Variants in KIZ observed in about 807,000 individuals in gnomAD.
KIZ encodes the protein centrosomal protein kizuna.
Under a neutral mutation model 79.6 loss-of-function variants are expected in KIZ, and 68 were observed. The observed-to-expected ratio is 0.85, with a 90% CI of 0.70 to 1.05. KIZ has a LOEUF of 1.05. KIZ is among the 50% of genes least tolerant of loss of function. KIZ has a pLI of 0.00. For synonymous variants in KIZ, 280 were observed against 281.8 expected (o/e 0.99, Z 0.06); for missense variants, 797 against 800.4 (o/e 1.00, Z 0.05).
At position 21,162,124 on chromosome 20, in the gene KIZ, A is replaced by T; in HGVS notation, c.659A>T (p.Lys220Met). Residue 220 changes from lysine to methionine, a missense_variant, in exon 5 of 13, where the codon AAG becomes ATG. Transcript: ENST00000619189. ...AGTAATGACACACAGTGCTTAAATA[A>T]GTCTGACAACATAGATGGAAAGGCA... The part of the protein sequence containing the change: ...QTSNDTQCLN[K>M]SDNIDGKASL... The T allele has an allele frequency of 6.2e-7, 1 of 1,612,740 alleles. No homozygotes were observed.
intron 6 of KIZ, among the ~76,000 whole-genome samples, chr20:21,186,943 A>G (rs2034897907): frequency 6.6e-6 from 1 of 152,132 alleles, no homozygotes; most frequent in Non-Finnish European, 1.5e-5. Flanking sequence ...TGAATAATAA[A>G]TTGATTCAGC....
chr20:21,130,185 C>T (rs1315713059), intron 1 of KIZ, among the ~76,000 whole-genome samples: 1 of 152,224 alleles, frequency 6.6e-6, no homozygotes, highest in Non-Finnish European at 1.5e-5. Context: ...CTCCCTACAT[C>T]TGGAACGATT....
intron 6 of KIZ, among the ~76,000 whole-genome samples, chr20:21,182,095 T>G (rs1040381513): frequency 1.3e-5 from 2 of 152,170 alleles, no homozygotes; most frequent in Non-Finnish European, 2.9e-5. Flanking sequence ...CCTCTAAAAT[T>G]CATATGTTAA....
At chr20:21,221,402 C>T (rs866505590) in intron 9 of KIZ, among the ~76,000 whole-genome samples, 3 of 152,184 alleles carry the variant, frequency 2.0e-5, no homozygotes, top group African/African-American at 4.8e-5. Context: ...AATACTATCT[C>T]TTTCAGTCAT....
chr20:21,206,507 G>T (rs753137383), intron 7 of KIZ, among the ~76,000 whole-genome samples: 1 of 152,164 alleles, frequency 6.6e-6, no homozygotes, highest in Non-Finnish European at 1.5e-5. Flanking sequence ...TGGCTGCTAT[G>T]AGCCAAAGAG....
Position 21,167,984 on chromosome 20 carries a change from A to G in KIZ, c.1352+4825A>G, listed in dbSNP as rs2034024983. On this transcript the variant is annotated intron_variant, in intron 6 of 12. Transcript: ENST00000619189. The stretch of plus-strand genomic sequence containing the variant: ...TGTGCACAACATGCAGGTTAGTTAC[A>G]TATGTATACATGTGCCATGTTGTTG... Among the ~76,000 whole-genome samples the G allele has an allele frequency of 1.3e-5, 2 of 152,024 alleles. 1 individual carries two copies. Among genetic ancestry groups the G allele is most frequent in the Admixed American group, 1.3e-4 (2 of 15,268 alleles).
In KIZ at chr20:21,145,659, T is replaced by C. The variant is rs1443241673; in HGVS notation, c.405+5T>C. The C allele has an allele frequency of 7.6e-7, 1 of 1,322,662 alleles. No homozygotes were observed. Among genetic ancestry groups the C allele is most frequent in the Non-Finnish European group, 1.0e-6 (1 of 959,070 alleles). 81.9% of individuals were successfully genotyped at this position (1,322,662 alleles called of 1,614,324 possible). ...ACAGATGAAGACAGAGAAAAGGTAATAAACTAAATTGGTAACCTTTCTGTT... is the reference window on the plus strand; with the variant it reads ...ACAGATGAAGACAGAGAAAAGGTAACAAACTAAATTGGTAACCTTTCTGTT... On this transcript the variant is annotated splice_donor_5th_base_variant and intron_variant, in intron 4 of 12. Coordinates refer to ENST00000619189, the MANE Select transcript of KIZ (RefSeq NM_018474.6).
At chr20:21,220,029 C>G (rs2036450695) in intron 9 of KIZ, among the ~76,000 whole-genome samples, 1 of 151,690 alleles carries the variant, frequency 6.6e-6, no homozygotes, top group African/African-American at 2.4e-5. Context: ...CTAAAGAATC[C>G]AGGTGGAAAT....
intron 6 of KIZ, among the ~76,000 whole-genome samples, chr20:21,182,299 C>T (rs1387719643): frequency 6.6e-6 from 1 of 152,152 alleles, no homozygotes; most frequent in African/African-American, 2.4e-5. Flanking sequence ...CCAAGGACCC[C>T]ATCTAGACAC....
rs1016897431 is a variant in KIZ at position 21,134,261 on chromosome 20, C to T, written c.152+2102C>T. Among the ~76,000 whole-genome samples the T allele has an allele frequency of 7.2e-5, 11 of 152,136 alleles. No individual in the cohort carries two copies. In the East Asian group the frequency reaches 1.7e-3, roughly 24 times the overall value. ...CTCTCTCCAGCCTCTCCCTAAGATT[C>T]GACACTGACTGAAACGTCAGGCTCT... On this transcript the variant is annotated intron_variant, in intron 2 of 12. Transcript: ENST00000619189.
intron 7 of KIZ, 30 bp from the exon 8 acceptor site, chr20:21,214,505 T>C (rs758180761): frequency 1.1e-5 from 18 of 1,567,754 alleles, no homozygotes; most frequent in Non-Finnish European, 1.4e-5. Context: ...TTTGTTTTTA[T>C]TTCTTTGTGC....
intron 6 of KIZ, among the ~76,000 whole-genome samples, chr20:21,169,304 T>G (rs1421982570): frequency 6.6e-6 from 1 of 151,810 alleles, no homozygotes; most frequent in Non-Finnish European, 1.5e-5. Flanking sequence ...AAGACATTTA[T>G]GCAGCCAAAA....
chr20:21,185,435 A>T (rs1445792615), intron 6 of KIZ, among the ~76,000 whole-genome samples: 2 of 118,764 alleles, frequency 1.7e-5, no homozygotes, highest in Non-Finnish European at 1.6e-5. Context: ...TTTGAGACGG[A>T]TTCTCACTCT....
chr20:21,171,471 G>T (rs1380957017), intron 6 of KIZ, among the ~76,000 whole-genome samples: 1 of 152,058 alleles, frequency 6.6e-6, no homozygotes. Flanking sequence ...TTGTGACAGG[G>T]TCACACTCTG....
At chr20:21,195,354 A>T (rs1176212504) in intron 6 of KIZ, 1 of 152,238 alleles carries the variant, frequency 6.6e-6, no homozygotes, top group Non-Finnish European at 1.5e-5. Context: ...GGAAGAATTT[A>T]AAAACAATAA....
chr20:21,228,143 C>G (rs2036715296), intron 9 of KIZ, among the ~76,000 whole-genome samples: 1 of 152,112 alleles, frequency 6.6e-6, no homozygotes. Flanking sequence ...AGGAATCCAA[C>G]CTGTTGCCAG....
chr20:21,131,232 G>T (rs774180842), intron 1 of KIZ, among the ~76,000 whole-genome samples: 37 of 152,140 alleles, frequency 2.4e-4, no homozygotes, highest in Non-Finnish European at 4.7e-4. Context: ...CCTCGTCCTT[G>T]CCCAGGCTGG....
At chr20:21,200,165 T>C (rs890956460) in intron 6 of KIZ, among the ~76,000 whole-genome samples, 3 of 152,276 alleles carry the variant, frequency 2.0e-5, no homozygotes, top group African/African-American at 7.2e-5. Flanking sequence ...TTTGACTGGT[T>C]ACAAAATCCT....
chr20:21,235,107 A>G (rs1360367905), intron 11 of KIZ, among the ~76,000 whole-genome samples: 1 of 152,212 alleles, frequency 6.6e-6, no homozygotes, highest in Non-Finnish European at 1.5e-5. Context: ...AAAGCCAGAG[A>G]AAGGGATTGG....
Sources: gnomAD v4.1 joint callset for allele counts (sites outside exome capture counted in the v4.1 genomes callset) on GRCh38, gnomAD v4.1.1 for gene constraint, MANE v1.5 for transcripts, NCBI Gene and HGNC (gene_info 2026-07-23, HGNC 2026-07-21) for gene names.